NAV2: variants seen among roughly 807,000 people sequenced by gnomAD.
NAV2 encodes helicase, APC down-regulated 1.
A neutral mutation model predicts 223.2 loss-of-function variants in NAV2; 54 were observed. The ratio of observed to expected loss-of-function variants is 0.24; its 90% CI spans 0.19 to 0.30. The LOEUF (loss-of-function observed/expected upper bound fraction) is 0.30, where lower values mean the gene tolerates loss of function less well. NAV2 is among the 10% of genes least tolerant of loss of function. The pLI is 1.00. For synonymous variants in NAV2, 1,279 were observed against 1,239.3 expected (o/e 1.03, Z -0.67); for missense variants, 2,806 against 3,147.5 (o/e 0.89, Z 2.60).
At chr11:19,783,895 T>C (rs1398495230) in intron 1 of NAV2, among the ~76,000 whole-genome samples, 1 of 152,152 alleles carries the variant, frequency 6.6e-6, no homozygotes, top group African/African-American at 2.4e-5. Flanking sequence ...TCCAACACAT[T>C]TATGAAACAT....
chr11:19,526,047 G>T (rs1433808599), intron 1 of NAV2, among the ~76,000 whole-genome samples: 1 of 152,070 alleles, frequency 6.6e-6, no homozygotes, highest in Non-Finnish European at 1.5e-5. Context: ...CCAGAAGAAG[G>T]TTTCCTTCTC....
At chr11:19,877,111 A>G (rs1476981766) in intron 4 of NAV2, among the ~76,000 whole-genome samples, 1 of 152,080 alleles carries the variant, frequency 6.6e-6, no homozygotes, top group Admixed American at 6.6e-5. Flanking sequence ...CCTAGATTCA[A>G]ATCCCAGCTC....
intron 1 of NAV2, among the ~76,000 whole-genome samples, chr11:19,400,273 A>C (rs1220175344): frequency 6.6e-6 from 1 of 152,180 alleles, no homozygotes; most frequent in Non-Finnish European, 1.5e-5. Flanking sequence ...AAGATACATT[A>C]TCTTCATCAA....
intron 1 of NAV2, among the ~76,000 whole-genome samples, chr11:19,595,546 T>G (rs887086511): frequency 6.6e-6 from 1 of 152,058 alleles, no homozygotes; most frequent in African/African-American, 2.4e-5. Flanking sequence ...TTTCAGAGCC[T>G]GCATTCTTTT....
chr11:19,997,917 C>A (rs543753970), intron 11 of NAV2, among the ~76,000 whole-genome samples: 10 of 152,244 alleles, frequency 6.6e-5, no homozygotes, highest in African/African-American at 2.4e-4. Context: ...CAGGTAGGAT[C>A]CTCTGGGGGC....
At chr11:20,055,604 G>A (rs181846788) in intron 18 of NAV2, among the ~76,000 whole-genome samples, 165 bp from the exon 19 acceptor site, 1 of 152,288 alleles carries the variant, frequency 6.6e-6, no homozygotes, top group African/African-American at 2.4e-5. Flanking sequence ...TTAGCTCCCG[G>A]TGTGTAACTC....
At chr11:19,744,279 C>T (rs1351360296) in intron 1 of NAV2, among the ~76,000 whole-genome samples, 2 of 152,160 alleles carry the variant, frequency 1.3e-5, no homozygotes, top group South Asian at 4.1e-4. Context: ...AGTTGCAGGC[C>T]TTCACTGTGC....
intron 1 of NAV2, among the ~76,000 whole-genome samples, chr11:19,756,824 G>A (rs754374104): frequency 7.2e-5 from 11 of 152,152 alleles, no homozygotes; most frequent in African/African-American, 9.7e-5. Flanking sequence ...TGTTTTTCCC[G>A]TTACTTCATT....
chr11:20,023,861 A>G (rs929106660), intron 11 of NAV2, among the ~76,000 whole-genome samples: 4 of 152,148 alleles, frequency 2.6e-5, no homozygotes, highest in African/African-American at 9.7e-5. Context: ...GGGAGAAGAA[A>G]ACAATGTTCA....
At chr11:19,697,913 C>T (rs1308612052) in intron 1 of NAV2, among the ~76,000 whole-genome samples, 1 of 152,202 alleles carries the variant, frequency 6.6e-6, no homozygotes, top group Non-Finnish European at 1.5e-5. Context: ...TATCGTAACG[C>T]TGGGGTCAGT....
At chr11:19,608,081 C>G (rs1262160052) in intron 1 of NAV2, among the ~76,000 whole-genome samples, 3 of 152,214 alleles carry the variant, frequency 2.0e-5, no homozygotes, top group African/African-American at 7.2e-5. Context: ...GGTTACCCAT[C>G]AATAGCAGGC....
chr11:19,965,739 C>T (rs908109826), intron 10 of NAV2, among the ~76,000 whole-genome samples: 3 of 152,216 alleles, frequency 2.0e-5, no homozygotes, highest in African/African-American at 7.2e-5. Context: ...CAACAAATTA[C>T]TCCATAATGT....
intron 1 of NAV2, among the ~76,000 whole-genome samples, chr11:19,436,122 C>T (rs1463118757): frequency 1.3e-5 from 2 of 152,194 alleles, no homozygotes; most frequent in Middle Eastern, 3.4e-3. Flanking sequence ...TTTGGGGTCA[C>T]ATCCAAGAAA....
intron 1 of NAV2, among the ~76,000 whole-genome samples, chr11:19,686,262 T>A (rs559405062): frequency 2.0e-5 from 3 of 152,294 alleles, no homozygotes; most frequent in Non-Finnish European, 4.4e-5. Context: ...TTCCCTTGCT[T>A]TTCCTTTGAG....
At chr11:20,007,819 T>C (rs1184286801) in intron 11 of NAV2, among the ~76,000 whole-genome samples, 10 of 152,224 alleles carry the variant, frequency 6.6e-5, no homozygotes, top group Admixed American at 6.5e-4. Flanking sequence ...TGTAATCATC[T>C]TCCAAGATCA....
intron 34 of NAV2, chr11:20,104,108 A>G (rs1348962401): frequency 9.1e-6 from 2 of 220,456 alleles, no homozygotes; most frequent in African/African-American, 4.7e-5. Context: ...TCCCAAGTGA[A>G]CATGAGCAAT....
chr11:19,455,128 T>G (rs1345177075), intron 1 of NAV2, among the ~76,000 whole-genome samples: 1 of 152,166 alleles, frequency 6.6e-6, no homozygotes, highest in African/African-American at 2.4e-5. Context: ...TTTAGAAGAC[T>G]CAGAGAACTG....
chr11:19,810,244 G>T (rs1275941095), intron 1 of NAV2, among the ~76,000 whole-genome samples: 1 of 152,124 alleles, frequency 6.6e-6, no homozygotes, highest in Non-Finnish European at 1.5e-5. Context: ...CTTTCAGTTG[G>T]CTCCTGTGTC....
Position 19,886,058 on chromosome 11 carries a change from A to G in NAV2, c.770+5931A>G, listed in dbSNP as rs2040943267. 2.0e-5 allele frequency among the ~76,000 whole-genome samples: 3 copies of G among 151,910 alleles called. No individual in the cohort carries two copies. In the South Asian group the frequency reaches 6.2e-4, roughly 32 times the overall value. On this transcript the variant is annotated intron_variant, in intron 5 of 37. Transcript: ENST00000349880. Reference sequence around the variant, plus strand: ...CTCATGGCGCTATCATGGCGCTATCATGGCTCCCTGAGGCCTTGATTTCCT... The same window carrying G: ...CTCATGGCGCTATCATGGCGCTATCGTGGCTCCCTGAGGCCTTGATTTCCT...
Sources: gnomAD v4.1 joint callset for allele counts (sites outside exome capture counted in the v4.1 genomes callset) on GRCh38, gnomAD v4.1.1 for gene constraint, MANE v1.5 for transcripts, NCBI Gene and HGNC (gene_info 2026-07-23, HGNC 2026-07-21) for gene names.